Variants in SUPT4H1 observed in about 807,000 individuals in gnomAD.
The protein encoded by SUPT4H1 is SPT4 homolog, DSIF elongation factor subunit, also known as transcription elongation factor SPT4.
Under a neutral mutation model 19.4 loss-of-function variants are expected in SUPT4H1, and 12 were observed. The observed-to-expected ratio is 0.62, with a 90% CI of 0.40 to 1.00. The LOEUF (loss-of-function observed/expected upper bound fraction) is 1.00. Among genes scored for constraint, SUPT4H1 ranks in the 50% least tolerant of loss-of-function variants. The pLI is 0.00. For synonymous variants in SUPT4H1, 58 were observed against 56.3 expected (o/e 1.03, Z -0.14); for missense variants, 115 against 149.2 (o/e 0.77, Z 1.19).
chr17:58,345,990 C>T lies in SUPT4H1; in HGVS notation c.*256G>A. ...TCCTTGGCATGGGGAAGGCACAGAC[C>T]TGGGCCACGGGTAGGAAAATCAGCA... On this transcript the variant is annotated 3_prime_UTR_variant, in exon 5 of 5. Coordinates refer to ENST00000225504, the MANE Select transcript of SUPT4H1 (RefSeq NM_003168.3). 2.3e-6 allele frequency: 1 copy of T among 442,488 alleles called. No homozygotes were observed. The highest frequency in any genetic ancestry group is 4.2e-6 in the Non-Finnish European group (1 of 240,470). The allele number at this position is 442,488 out of a possible 1,614,324, so 27.4% of individuals were successfully genotyped here.
rs768095539 is a variant in SUPT4H1 at position 58,351,395 on chromosome 17, G to A, written c.176+7C>T. ...AGAAGTGAATGATGGAAACTGAAGC[G>A]GCTTACCCATCAAAGGAAGAGCTAG... On this transcript the variant is annotated splice_region_variant and intron_variant, in intron 2 of 4. Coordinates refer to ENST00000225504, the MANE Select transcript of SUPT4H1 (RefSeq NM_003168.3). 1.1e-5 allele frequency: 17 copies of A among 1,596,500 alleles called. No individual in the cohort carries two copies. In the Admixed American group the frequency reaches 2.7e-4, roughly 25 times the overall value.
At chr17:58,351,288 A>AC (rs1307341586) in intron 2 of SUPT4H1, 114 bp downstream of exon 2, 10 of 662,498 alleles carry the variant, frequency 1.5e-5, no homozygotes, top group Admixed American at 2.8e-5. Flanking sequence ...ACACAAAATA[A>AC]CCCCCAAAAA....
intron 2 of SUPT4H1, among the ~76,000 whole-genome samples, chr17:58,348,337 T>A (rs1342845580): frequency 6.6e-6 from 1 of 152,196 alleles, no homozygotes; most frequent in Admixed American, 6.5e-5. Context: ...CTGACATTTG[T>A]TGACTGCCTC....
Position 58,347,202 on chromosome 17 carries a change from C to A in SUPT4H1, c.272G>T (p.Gly91Val), listed in dbSNP as rs1324259709. The change falls in exon 4 of 5, where the codon GGT (glycine) becomes GTT (valine). Residue 91 changes from glycine to valine, a missense_variant. By Grantham distance (109) the Gly-to-Val change is moderately radical. Transcript: ENST00000225504. ...KPGVYAVSVTGRLPQGIVREL... is the reference protein window; with the variant it reads ...KPGVYAVSVTVRLPQGIVREL... ...ATTATTATTACCTTGGGGCAGGCGACCAGTGACTGACACCGCATATACACC... is the reference window on the plus strand; with the variant it reads ...ATTATTATTACCTTGGGGCAGGCGAACAGTGACTGACACCGCATATACACC... The A allele has an allele frequency of 6.2e-7, 1 of 1,614,104 alleles. No individual in the cohort carries two copies. The highest frequency in any genetic ancestry group is 1.7e-5 in the Admixed American group (1 of 60,018).
intron 1 of SUPT4H1, 89 bp from the exon 2 acceptor site, chr17:58,351,597 T>G (rs1972524521): frequency 1.1e-6 from 1 of 877,818 alleles, no homozygotes; most frequent in African/African-American, 1.7e-5. Flanking sequence ...TTCGACCTGC[T>G]CAATTTCTTG....
chr17:58,348,012 A>G (rs1162143611), intron 2 of SUPT4H1, among the ~76,000 whole-genome samples: 2 of 152,200 alleles, frequency 1.3e-5, no homozygotes, highest in Non-Finnish European at 2.9e-5. Flanking sequence ...TTAATGACCT[A>G]TACATATGGG....
rs564370101 is a variant in SUPT4H1, at chr17:58,346,017, C to G, written c.*229G>C. The G allele has an allele frequency of 2.0e-6, 1 of 496,530 alleles. No individual in the cohort carries two copies. The highest frequency in any genetic ancestry group is 3.7e-5 in the East Asian group (1 of 27,384). The allele number at this position is 496,530 out of a possible 1,614,324, so 30.8% of individuals were successfully genotyped here. A position where few individuals can be genotyped will look rare whatever the true frequency, so the allele number is the denominator to read the frequency against. On this transcript the variant is annotated 3_prime_UTR_variant, in exon 5 of 5. Transcript: ENST00000225504. ...GGGCCACGGGTAGGAAAATCAGCAT[C>G]CTACTCTCTCCTCAATTCCATCTGT...
At chr17:58,350,679 T>C (rs1972469432) in intron 2 of SUPT4H1, among the ~76,000 whole-genome samples, 1 of 150,796 alleles carries the variant, frequency 6.6e-6, no homozygotes, top group Non-Finnish European at 1.5e-5. Context: ...CTACTAAAGA[T>C]ATAAAAATTA....
Position 58,352,152 on chromosome 17 carries a change from A to C in SUPT4H1, c.-17T>G. 1 of 1,613,668 alleles carries C rather than the reference A, an allele frequency of 6.2e-7. No homozygotes were observed. Among genetic ancestry groups the C allele is most frequent in the Non-Finnish European group, 8.5e-7 (1 of 1,179,662 alleles). On this transcript the variant is annotated 5_prime_UTR_variant, in exon 1 of 5. Coordinates refer to ENST00000225504, the MANE Select transcript of SUPT4H1 (RefSeq NM_003168.3). ...CAGGGCCATCTTCGCCGATGGGAAG[A>C]ACAACAGGGAGATAGACGACCACAG... is the stretch of plus-strand genomic sequence containing the variant.
chr17:58,347,303 G>A, intron 3 of SUPT4H1, 62 bp from the exon 4 acceptor site: 1 of 1,572,510 alleles, frequency 6.4e-7, no homozygotes, highest in South Asian at 1.1e-5. Context: ...AAGATCAAAT[G>A]GAAGCTTAAG....
At chr17:58,347,071 C>T (rs1376249627) in intron 4 of SUPT4H1, 117 bp downstream of exon 4, 1 of 1,001,756 alleles carries the variant, frequency 1.0e-6, no homozygotes, top group Non-Finnish European at 1.6e-6. Context: ...GTGCCTGGTT[C>T]CCCCCATCTG....
chr17:58,350,802 C>T (rs889778344), intron 2 of SUPT4H1, among the ~76,000 whole-genome samples: 1 of 139,310 alleles, frequency 7.2e-6, no homozygotes, highest in African/African-American at 2.7e-5. Context: ...CACCATTGCA[C>T]TCCAGCATGA....
chr17:58,347,728 G>A, intron 2 of SUPT4H1, 144 bp from the exon 3 acceptor site: 4 of 761,710 alleles, frequency 5.3e-6, no homozygotes, highest in Non-Finnish European at 9.1e-6. Flanking sequence ...GGATGAGGCT[G>A]ACTCAAAGCT....
Position 58,346,452 on chromosome 17 carries a change from C to T in SUPT4H1, c.287-139G>A, listed in dbSNP as rs1053701168. 29 of 684,948 alleles carry T rather than the reference C, an allele frequency of 4.2e-5. 1 individual carries two copies. The highest frequency in any genetic ancestry group is 5.0e-4 in the Middle Eastern group (2 of 4,024). The allele number at this position is 684,948 out of a possible 1,614,324, so 42.4% of individuals were successfully genotyped here. A position where few individuals can be genotyped will look rare whatever the true frequency, so the allele number is the denominator to read the frequency against. ...TATCAATCGTCTGCTTGGCCAGGCA[C>T]GGTGGCTCATGCCTGCAATCTCAGC... is the stretch of plus-strand genomic sequence containing the variant. On this transcript the variant is annotated intron_variant, in intron 4 of 4. Coordinates refer to ENST00000225504, the MANE Select transcript of SUPT4H1 (RefSeq NM_003168.3).
intron 1 of SUPT4H1, 100 bp downstream of exon 1, chr17:58,351,967 G>A (rs1374577608): frequency 7.6e-7 from 1 of 1,309,316 alleles, no homozygotes; most frequent in Non-Finnish European, 1.1e-6. Flanking sequence ...TCTGAGTTCT[G>A]AGACTTAACT....
chr17:58,345,499 T>G lies in SUPT4H1; in HGVS notation c.*747A>C, dbSNP rs1972253578. The G allele has an allele frequency of 6.6e-6, 1 of 152,032 alleles. No individual in the cohort carries two copies. The highest frequency in any genetic ancestry group is 1.5e-5 in the Non-Finnish European group (1 of 68,000). The allele number at this position is 152,032 out of a possible 1,614,324, so 9.4% of individuals were successfully genotyped here. On this transcript the variant is annotated 3_prime_UTR_variant, in exon 5 of 5. Transcript: ENST00000225504. ...ACAAACAAGGGAGACTAGGACTCAATGGTCGCCCAAGGCCCAAGGGTCTCC... is the reference window on the plus strand; with the variant it reads ...ACAAACAAGGGAGACTAGGACTCAAGGGTCGCCCAAGGCCCAAGGGTCTCC...
At chr17:58,351,117 G>T (rs531341643) in intron 2 of SUPT4H1, among the ~76,000 whole-genome samples, 8 of 152,048 alleles carry the variant, frequency 5.3e-5, no homozygotes, top group Admixed American at 2.6e-4. Flanking sequence ...AATAACTGTT[G>T]AGGCTGGACA....
intron 2 of SUPT4H1, among the ~76,000 whole-genome samples, chr17:58,350,533 A>ATAAATAAATAAG (rs1371917829): frequency 4.6e-5 from 7 of 151,054 alleles, no homozygotes; most frequent in East Asian, 2.0e-4. Flanking sequence ...AAATAAATAA[A>ATAAATAAATAAG]TAAGTAAAAT....
intron 1 of SUPT4H1, 101 bp downstream of exon 1, chr17:58,351,966 T>C: frequency 7.7e-7 from 1 of 1,302,406 alleles, no homozygotes; most frequent in Non-Finnish European, 1.1e-6. Context: ...CTCTGAGTTC[T>C]GAGACTTAAC....
Sources: gnomAD v4.1 joint callset for allele counts (sites outside exome capture counted in the v4.1 genomes callset) on GRCh38, gnomAD v4.1.1 for gene constraint, MANE v1.5 for transcripts, NCBI Gene and HGNC (gene_info 2026-07-23, HGNC 2026-07-21) for gene names.